PTPRD: variants seen among roughly 807,000 people sequenced by gnomAD.
PTPRD encodes the protein protein tyrosine phosphatase receptor type D.
PTPRD carries 34 observed loss-of-function variants against 214.5 expected under a neutral mutation model. The observed-to-expected ratio is 0.16, with a 90% CI of 0.12 to 0.21. PTPRD has a LOEUF of 0.21. Among genes scored for constraint, PTPRD ranks in the 10% least tolerant of loss-of-function variants. The probability of loss-of-function intolerance (pLI) is 1.00; values close to 1 mark genes in which losing one functional copy is unlikely to be tolerated. For missense variants in PTPRD, 2,545 were observed against 2,398.7 expected (o/e 1.06, Z -1.27); for synonymous variants, 1,128 against 845.7 (o/e 1.33, Z -5.79).
At chr9:10,350,634 T>C (rs977988767) in intron 2 of PTPRD, among the ~76,000 whole-genome samples, 18 of 152,148 alleles carry the variant, frequency 1.2e-4, no homozygotes, top group African/African-American at 3.9e-4. Flanking sequence ...ATCAGGATCT[T>C]GGTTAGTGGT....
intron 9 of PTPRD, among the ~76,000 whole-genome samples, chr9:9,307,073 T>C (rs1957371472): frequency 6.6e-6 from 1 of 152,182 alleles, no homozygotes; most frequent in Non-Finnish European, 1.5e-5. Flanking sequence ...AATATAGAAT[T>C]GATGTGCCTG....
intron 14 of PTPRD, among the ~76,000 whole-genome samples, chr9:8,596,687 T>C (rs1348198154): frequency 6.6e-6 from 1 of 152,138 alleles, no homozygotes; most frequent in Non-Finnish European, 1.5e-5. Context: ...ATAGTACTAA[T>C]ATATTTAGAC....
chr9:9,363,535 G>C (rs1362729324), intron 9 of PTPRD, among the ~76,000 whole-genome samples: 1 of 151,394 alleles, frequency 6.6e-6, no homozygotes, highest in Non-Finnish European at 1.5e-5. Context: ...CATTGGTGTA[G>C]TTTCAGCTTT....
chr9:8,496,716 T>C (rs1267774259), intron 26 of PTPRD, among the ~76,000 whole-genome samples: 2 of 152,224 alleles, frequency 1.3e-5, no homozygotes, highest in Non-Finnish European at 2.9e-5. Flanking sequence ...TTTATGAGCA[T>C]TATGAGCAGC....
chr9:10,472,008 T>C (rs1044454528), intron 2 of PTPRD, among the ~76,000 whole-genome samples: 2 of 152,094 alleles, frequency 1.3e-5, no homozygotes, highest in African/African-American at 4.8e-5. Context: ...CATGTGAGTT[T>C]AAATTCAAAA....
At chr9:9,083,224 A>T (rs1233384472) in intron 10 of PTPRD, among the ~76,000 whole-genome samples, 1 of 152,186 alleles carries the variant, frequency 6.6e-6, no homozygotes, top group East Asian at 1.9e-4. Flanking sequence ...ATGGAACAGA[A>T]CCCAGGCCGC....
chr9:10,139,005 G>A (rs752232266), intron 3 of PTPRD, among the ~76,000 whole-genome samples: 31 of 152,002 alleles, frequency 2.0e-4, no homozygotes, highest in Non-Finnish European at 2.6e-4. Flanking sequence ...CACTCTCACC[G>A]CTGCTATTCA....
At chr9:9,428,769 A>G (rs544788565) in intron 8 of PTPRD, among the ~76,000 whole-genome samples, 1 of 152,324 alleles carries the variant, frequency 6.6e-6, no homozygotes, top group South Asian at 2.1e-4. Flanking sequence ...CCGCTCAACT[A>G]CATGGAAACT....
chr9:9,881,078 G>A (rs939043806), intron 5 of PTPRD, among the ~76,000 whole-genome samples: 47 of 152,220 alleles, frequency 3.1e-4, no homozygotes, highest in Admixed American at 1.5e-3. Flanking sequence ...AGCCATTTTG[G>A]AAGGGTATAT....
chr9:9,288,716 T>C (rs372746391), intron 9 of PTPRD, among the ~76,000 whole-genome samples: 1 of 151,874 alleles, frequency 6.6e-6, no homozygotes, highest in African/African-American at 2.4e-5. Context: ...TTTGGCTGTG[T>C]CCCCACCCAA....
At chr9:10,427,675 A>G (rs112754878) in intron 2 of PTPRD, among the ~76,000 whole-genome samples, 2,216 of 152,176 alleles carry the variant, frequency 0.015, 57 homozygotes, top group African/African-American at 0.051. Context: ...GATTAGATAA[A>G]TAATTAGTCA....
intron 7 of PTPRD, among the ~76,000 whole-genome samples, chr9:9,683,641 T>C (rs879577930): frequency 6.6e-6 from 1 of 151,610 alleles, no homozygotes; most frequent in Non-Finnish European, 1.5e-5. Flanking sequence ...AGTAATAAGA[T>C]TTATTGGCAT....
chr9:8,769,917 C>G (rs60835389), intron 11 of PTPRD, among the ~76,000 whole-genome samples: 7,209 of 152,030 alleles, frequency 0.047, 434 homozygotes, highest in African/African-American at 0.14. Context: ...TGGACATTCA[C>G]GTAAATAGGA....
chr9:8,477,148 G>T (rs560774032), intron 30 of PTPRD, among the ~76,000 whole-genome samples: 2 of 151,876 alleles, frequency 1.3e-5, no homozygotes. Context: ...ATTGCTTTTG[G>T]AGCTAGCTTT....
At chr9:8,833,510 G>A (rs10977314) in intron 11 of PTPRD, among the ~76,000 whole-genome samples, 70,173 of 151,254 alleles carry the variant, frequency 0.46, 16,762 homozygotes, top group African/African-American at 0.58. Context: ...TATTCAGGCT[G>A]TAACATAATT....
At chr9:9,937,761 T>C (rs1438746958) in intron 5 of PTPRD, among the ~76,000 whole-genome samples, 1 of 152,180 alleles carries the variant, frequency 6.6e-6, no homozygotes, top group Non-Finnish European at 1.5e-5. Context: ...CCATAAGTTA[T>C]GTGTAGGCCC....
intron 3 of PTPRD, among the ~76,000 whole-genome samples, chr9:10,117,780 A>AT (rs2098743145): frequency 6.6e-6 from 1 of 152,008 alleles, no homozygotes. Context: ...ATGTCAGAAG[A>AT]TTAAAAAAAA....
chr9:9,777,325 GCA>G (rs34617348), intron 5 of PTPRD, among the ~76,000 whole-genome samples: 37,403 of 142,644 alleles, frequency 0.26, 4,732 homozygotes, highest in East Asian at 0.37. Flanking sequence ...GCACATACAT[GCA>G]CACACACACA....
chr9:9,703,807 T>A (rs772187217), intron 7 of PTPRD, among the ~76,000 whole-genome samples: 2 of 152,186 alleles, frequency 1.3e-5, no homozygotes, highest in Non-Finnish European at 2.9e-5. Flanking sequence ...AGAATAAAAA[T>A]GTATACAGTA....
Sources: allele counts gnomAD v4.1 joint callset (sites outside exome capture counted in the v4.1 genomes callset), GRCh38; gene constraint gnomAD v4.1.1; transcripts MANE v1.5; gene names NCBI Gene and HGNC (gene_info 2026-07-23, HGNC 2026-07-21).